KCNH8: variants seen among roughly 807,000 people sequenced by gnomAD.
KCNH8 encodes potassium voltage-gated channel subfamily H member 8, also known as voltage-gated delayed rectifier potassium channel KCNH8.
A neutral mutation model predicts 103.6 loss-of-function variants in KCNH8; 70 were observed. That is an observed-to-expected ratio of 0.68 (90% confidence interval 0.56 to 0.82). The LOEUF is 0.82. KCNH8 is among the 40% of genes least tolerant of loss of function. KCNH8 has a pLI of 0.00. For synonymous variants in KCNH8, 498 were observed against 489.4 expected (o/e 1.02, Z -0.23); for missense variants, 1,217 against 1,329.9 (o/e 0.92, Z 1.32).
intron 1 of KCNH8, among the ~76,000 whole-genome samples, chr3:19,184,625 G>A (rs187807171): frequency 6.6e-6 from 1 of 151,990 alleles, no homozygotes; most frequent in African/African-American, 2.4e-5. Context: ...TGTAGTTGAT[G>A]TTGGATTTCT....
At chr3:19,479,224 C>T (rs1258747919) in intron 11 of KCNH8, among the ~76,000 whole-genome samples, 11 of 152,188 alleles carry the variant, frequency 7.2e-5, no homozygotes, top group Admixed American at 2.6e-4. Context: ...CTCCGGCTCT[C>T]GTCCAGAAAC....
intron 3 of KCNH8, among the ~76,000 whole-genome samples, chr3:19,287,686 A>G (rs1187313794): frequency 1.3e-5 from 2 of 152,228 alleles, no homozygotes; most frequent in Admixed American, 1.3e-4. Flanking sequence ...CCCGGGTTCA[A>G]GTGATTCTCC....
intron 1 of KCNH8, among the ~76,000 whole-genome samples, chr3:19,163,400 A>AATTGT (rs533900575): frequency 0.019 from 2,873 of 150,988 alleles, 98 homozygotes; most frequent in African/African-American, 0.063. Flanking sequence ...ATACTTAAAG[A>AATTGT]ATTATATTAT....
At chr3:19,501,303 A>G (rs2068577740) in intron 11 of KCNH8, among the ~76,000 whole-genome samples, 1 of 152,222 alleles carries the variant, frequency 6.6e-6, no homozygotes, top group African/African-American at 2.4e-5. Context: ...CCAACGAAAA[A>G]GAGTCCAGAC....
chr3:19,263,377 A>G (rs187752940), intron 2 of KCNH8, among the ~76,000 whole-genome samples: 1 of 152,178 alleles, frequency 6.6e-6, no homozygotes, highest in African/African-American at 2.4e-5. Context: ...ATATCTTACA[A>G]TTTTGTGGGT....
chr3:19,346,514 T>G (rs1404295455), intron 4 of KCNH8: 2 of 422,232 alleles, frequency 4.7e-6, no homozygotes, highest in African/African-American at 4.1e-5. Flanking sequence ...AGTAGAAACA[T>G]GGGTTGAAAA....
chr3:19,359,266 T>C (rs964381568), intron 5 of KCNH8, among the ~76,000 whole-genome samples: 2 of 151,828 alleles, frequency 1.3e-5, no homozygotes, highest in Non-Finnish European at 2.9e-5. Context: ...AAGATACTAA[T>C]AGGGCTAGTA....
intron 11 of KCNH8, among the ~76,000 whole-genome samples, chr3:19,467,678 T>C (rs536278396): frequency 2.0e-5 from 3 of 152,166 alleles, no homozygotes; most frequent in African/African-American, 7.2e-5. Flanking sequence ...ATAGTGATTC[T>C]CCCTGCCTCC....
At chr3:19,409,958 G>A (rs188145320) in intron 7 of KCNH8, among the ~76,000 whole-genome samples, 231 of 152,150 alleles carry the variant, frequency 1.5e-3, no homozygotes, top group Middle Eastern at 6.8e-3. Context: ...GCATTAGACA[G>A]TTCATCACGG....
At chr3:19,314,386 A>G (rs1324006299) in intron 3 of KCNH8, among the ~76,000 whole-genome samples, 5 of 151,914 alleles carry the variant, frequency 3.3e-5, no homozygotes, top group Admixed American at 3.3e-4. Context: ...CATGGACAGC[A>G]TAGACAGACA....
intron 11 of KCNH8, among the ~76,000 whole-genome samples, chr3:19,491,089 T>A (rs935921046): frequency 1.3e-5 from 2 of 152,232 alleles, no homozygotes; most frequent in African/African-American, 2.4e-5. Context: ...TAATACTACA[T>A]GTAAATGAAA....
intron 1 of KCNH8, among the ~76,000 whole-genome samples, chr3:19,246,880 C>G (rs569276493): frequency 3.3e-5 from 5 of 152,258 alleles, no homozygotes; most frequent in African/African-American, 1.2e-4. Flanking sequence ...CACCCAATGG[C>G]AAGGTTGTGA....
Position 19,342,617 on chromosome 3 carries a change from C to G in KCNH8, c.473C>G (p.Thr158Ser), listed in dbSNP as rs758033277. 1 of 1,610,712 alleles carries G rather than the reference C, an allele frequency of 6.2e-7. No individual in the cohort carries two copies. The highest frequency in any genetic ancestry group is 1.1e-5 in the South Asian group (1 of 91,028). Residue 158 changes from threonine (T) to serine (S), a missense_variant, in exon 4 of 16, where the codon ACC (threonine) becomes AGC (serine). By Grantham distance (58) the Thr-to-Ser change is moderately conservative. Coordinates refer to ENST00000328405, the MANE Select transcript of KCNH8 (RefSeq NM_144633.3). ...GTCAAAGGAAGATCAAGAGCAGGGA[C>G]CCACTTTGACTCAGCCCGGAGACGG... ...DKVKGRSRAG[T>S]HFDSARRRSR...
chr3:19,380,526 C>T (rs545549130), intron 5 of KCNH8, among the ~76,000 whole-genome samples: 15 of 152,290 alleles, frequency 9.8e-5, no homozygotes, highest in Non-Finnish European at 1.0e-4. Context: ...TGTTTCTCTT[C>T]TTGGCTTTGG....
intron 1 of KCNH8, among the ~76,000 whole-genome samples, chr3:19,209,613 C>T (rs1418067481): frequency 1.3e-5 from 2 of 152,026 alleles, no homozygotes; most frequent in Non-Finnish European, 2.9e-5. Context: ...AACTCCCCTG[C>T]AGAATTAAGC....
At chr3:19,245,850 T>C (rs934583704) in intron 1 of KCNH8, among the ~76,000 whole-genome samples, 2 of 152,204 alleles carry the variant, frequency 1.3e-5, no homozygotes, top group African/African-American at 4.8e-5. Context: ...GCAGAGTCTT[T>C]AGGGTTTTCT....
chr3:19,404,736 C>T (rs925340322), intron 7 of KCNH8, among the ~76,000 whole-genome samples: 1 of 151,928 alleles, frequency 6.6e-6, no homozygotes, highest in Non-Finnish European at 1.5e-5. Context: ...ATGTGATCTA[C>T]TGACTTGAGG....
chr3:19,388,749 T>G (rs2066393503), intron 5 of KCNH8, among the ~76,000 whole-genome samples: 1 of 152,134 alleles, frequency 6.6e-6, no homozygotes, highest in Non-Finnish European at 1.5e-5. Flanking sequence ...GTGATAAGAC[T>G]AGTCTCTGTG....
chr3:19,214,783 A>G (rs1256834720), intron 1 of KCNH8, among the ~76,000 whole-genome samples: 1 of 152,218 alleles, frequency 6.6e-6, no homozygotes, highest in Non-Finnish European at 1.5e-5. Context: ...GTTAGTAATT[A>G]TACCAAATCT....
Sources: allele counts gnomAD v4.1 joint callset (sites outside exome capture counted in the v4.1 genomes callset), GRCh38; gene constraint gnomAD v4.1.1; transcripts MANE v1.5; gene names NCBI Gene and HGNC (gene_info 2026-07-23, HGNC 2026-07-21).